The following SYNE2 variants were observed in gnomAD, a reference collection of about 807,000 sequenced individuals.
SYNE2 encodes the protein spectrin repeat containing nuclear envelope protein 2, also known as nesprin-2.
A neutral mutation model predicts 856.3 loss-of-function variants in SYNE2; 431 were observed. That is an observed-to-expected ratio of 0.50 (90% confidence interval 0.47 to 0.55). SYNE2 has a LOEUF of 0.55. SYNE2 is among the 20% of genes least tolerant of loss of function. SYNE2 has a pLI of 0.00. For synonymous variants in SYNE2, 2,923 were observed against 2,872.3 expected (o/e 1.02, Z -0.56); for missense variants, 8,129 against 8,023.2 (o/e 1.01, Z -0.50).
intron 30 of SYNE2, 99 bp from the exon 31 acceptor site, chr14:64,006,944 G>GTTAGTGGTTAACTA (rs1219165558): frequency 3.2e-6 from 3 of 939,972 alleles, no homozygotes; most frequent in Non-Finnish European, 5.2e-6. Flanking sequence ...ACCACATGAG[G>GTTAGTGGTTAACTA]ACAAATTAAA....
intron 1 of SYNE2, among the ~76,000 whole-genome samples, chr14:63,806,733 C>T (rs1405310132): frequency 2.0e-5 from 3 of 152,010 alleles, no homozygotes; most frequent in Non-Finnish European, 4.4e-5. Context: ...ACAAATCTGG[C>T]TGTTCCGAAG....
chr14:64,020,165 C>A, intron 35 of SYNE2, 72 bp downstream of exon 35: 3 of 1,084,950 alleles, frequency 2.8e-6, no homozygotes, highest in Non-Finnish European at 4.3e-6. Flanking sequence ...TGCACTCCAG[C>A]CTGGGCGACA....
chr14:64,139,628 G>C lies in SYNE2; in HGVS notation c.14844-313G>C, dbSNP rs144508843. Among the ~76,000 whole-genome samples, 592 of 151,920 alleles carry C rather than the reference G, an allele frequency of 3.9e-3. 16 individuals are homozygous for C. The East Asian group carries it at 0.059, about 15-fold the overall frequency. ...GGGTTTTACCATGTTTTTCAGGCTG[G>C]TCTCGAACTCCTGACCTCAGGCAAT... On this transcript the variant is annotated intron_variant, in intron 79 of 115. Transcript: ENST00000555002.
At chr14:64,132,801 A>G (rs2098035989) in intron 77 of SYNE2, among the ~76,000 whole-genome samples, 1 of 152,160 alleles carries the variant, frequency 6.6e-6, no homozygotes, top group Non-Finnish European at 1.5e-5. Flanking sequence ...ATGGATGACA[A>G]TCTTGTCTAA....
intron 31 of SYNE2, among the ~76,000 whole-genome samples, chr14:64,008,091 T>C (rs766147067): frequency 2.0e-5 from 3 of 152,184 alleles, no homozygotes; most frequent in Admixed American, 6.5e-5. Context: ...TCCTGCTACA[T>C]TCCTTTGCCT....
At chr14:63,879,206 T>C (rs2094800380) in intron 1 of SYNE2, among the ~76,000 whole-genome samples, 1 of 152,212 alleles carries the variant, frequency 6.6e-6, no homozygotes, top group Non-Finnish European at 1.5e-5. Flanking sequence ...ACAAAAGGCA[T>C]TGAAAAGTCT....
At chr14:64,039,140 A>G (rs969554428) in intron 45 of SYNE2, among the ~76,000 whole-genome samples, 2 of 152,216 alleles carry the variant, frequency 1.3e-5, no homozygotes, top group Non-Finnish European at 2.9e-5. Context: ...TGCTTATGCA[A>G]GAGTTGTTTT....
At position 63,977,945 on chromosome 14, in the gene SYNE2, T is replaced by C; in HGVS notation, c.1334T>C (p.Leu445Pro). ...DRFEHHSNILLTFENKDENHL... is the reference protein window; with the variant it reads ...DRFEHHSNILPTFENKDENHL... The stretch of plus-strand genomic sequence containing the variant: ...TTTGAGCATCATTCGAACATTCTCC[T>C]TACCTTTGAAAATAAGGATGAAAAT... Residue 445 changes from leucine to proline, a missense_variant, in exon 13 of 116, where the codon CTT (leucine) becomes CCT (proline). This residue lies in a region of SYNE2 where 2,422 missense variants were observed against 2,357.4 expected (regional missense o/e 1.03). Coordinates refer to ENST00000555002, the MANE Select transcript of SYNE2 (RefSeq NM_182914.3). 1 of 1,614,004 alleles carries C rather than the reference T, an allele frequency of 6.2e-7. No individual in the cohort carries two copies. The highest frequency in any genetic ancestry group is 8.5e-7 in the Non-Finnish European group (1 of 1,179,882).
intron 2 of SYNE2, among the ~76,000 whole-genome samples, chr14:63,927,473 T>A (rs1274497299): frequency 1.3e-5 from 2 of 152,308 alleles, no homozygotes; most frequent in East Asian, 3.9e-4. Flanking sequence ...TGGGAGATAA[T>A]TGAATTGTAG....
intron 1 of SYNE2, among the ~76,000 whole-genome samples, chr14:63,874,200 G>A (rs1369430038): frequency 6.6e-6 from 1 of 152,088 alleles, no homozygotes; most frequent in East Asian, 1.9e-4. Context: ...AGTGTTTAAC[G>A]TGTTGTTCAT....
intron 38 of SYNE2, chr14:64,023,111 GC>G: frequency 2.3e-6 from 1 of 438,812 alleles, no homozygotes; most frequent in Middle Eastern, 6.5e-4. Context: ...ACAAAAATTA[GC>G]TGGGTGTGGC....
At chr14:63,980,519 C>G in intron 14 of SYNE2, 135 bp from the exon 15 acceptor site, 1 of 622,358 alleles carries the variant, frequency 1.6e-6, no homozygotes, top group Non-Finnish European at 2.9e-6. Context: ...GTTTTCCTAC[C>G]AAATATGTAG....
intron 49 of SYNE2, among the ~76,000 whole-genome samples, chr14:64,057,143 CTT>C (rs1290061306): frequency 6.6e-6 from 1 of 152,034 alleles, no homozygotes; most frequent in Non-Finnish European, 1.5e-5. Context: ...CAACTGTACT[CTT>C]AGTTATTTTT....
chr14:64,152,668 A>C lies in SYNE2; in HGVS notation c.15744A>C (p.Ala5248=). 1 of 1,614,134 alleles carries C rather than the reference A, an allele frequency of 6.2e-7. No homozygotes were observed. The highest frequency in any genetic ancestry group is 8.5e-7 in the Non-Finnish European group (1 of 1,180,004). ...SGAVPLLEDT[A]SRIDELFQKR... ...CAGTGCCATTGTTAGAAGATACAGCATCCCGAATTGATGAGTTATTTCAAA... is the reference window on the plus strand; with the variant it reads ...CAGTGCCATTGTTAGAAGATACAGCCTCCCGAATTGATGAGTTATTTCAAA... Residue 5248 remains alanine (A), a synonymous_variant, in exon 85 of 116, where the codon GCA becomes GCC. Transcript: ENST00000555002.
intron 84 of SYNE2, among the ~76,000 whole-genome samples, chr14:64,151,607 G>A (rs1224387360): frequency 6.7e-6 from 1 of 149,210 alleles, no homozygotes; most frequent in Non-Finnish European, 1.5e-5. Flanking sequence ...CAATTTTCAA[G>A]AGAGAAATAG....
chr14:64,214,386 C>T lies in SYNE2; in HGVS notation c.19249C>T (p.Leu6417=), dbSNP rs1391199200. The T allele has an allele frequency of 5.6e-6, 9 of 1,614,034 alleles. No homozygotes were observed. The highest frequency in any genetic ancestry group is 5.0e-5 in the Admixed American group (3 of 60,006). Residue 6417 remains leucine, a synonymous_variant, in exon 106 of 116, where the codon CTG becomes TTG. Coordinates refer to ENST00000555002, the MANE Select transcript of SYNE2 (RefSeq NM_182914.3). ...ETPVSVDSIP[L]EWDHTGDVGG... is the part of the protein sequence containing the mutation. ...CCCTGTCAGCGTGGACTCCATCCCC[C>T]TGGAGTGGGACCACACAGGCGACGT...
intron 96 of SYNE2, among the ~76,000 whole-genome samples, chr14:64,184,131 T>C (rs1255980): frequency 0.064 from 9,681 of 152,284 alleles, 550 homozygotes; most frequent in East Asian, 0.34. Flanking sequence ...ATTTAGTCTT[T>C]ATGAACATTT....
intron 1 of SYNE2, among the ~76,000 whole-genome samples, chr14:63,788,361 G>A (rs902115285): frequency 3.9e-5 from 6 of 152,144 alleles, no homozygotes; most frequent in Admixed American, 2.0e-4. Flanking sequence ...CTCAGAAGGG[G>A]CAGAGCTTCT....
At chr14:63,866,761 C>T (rs969486702) in intron 1 of SYNE2, among the ~76,000 whole-genome samples, 2 of 152,058 alleles carry the variant, frequency 1.3e-5, no homozygotes, top group Non-Finnish European at 2.9e-5. Context: ...CACTCGAGCC[C>T]AGGAATTCAA....
Sources: allele counts gnomAD v4.1 joint callset (sites outside exome capture counted in the v4.1 genomes callset), GRCh38; gene constraint gnomAD v4.1.1; regional missense constraint gnomAD v4.1.1; transcripts MANE v1.5; gene names NCBI Gene and HGNC (gene_info 2026-07-23, HGNC 2026-07-21).